BABAM2: variants seen among roughly 807,000 people sequenced by gnomAD.
BABAM2 encodes the protein BRISC and BRCA1 A complex member 2.
Under a neutral mutation model 54.7 loss-of-function variants are expected in BABAM2, and 31 were observed. That is an observed-to-expected ratio of 0.57 (90% CI 0.43 to 0.77). BABAM2 has a LOEUF of 0.77. BABAM2 is among the 30% of genes least tolerant of loss of function. The probability of loss-of-function intolerance (pLI) is 0.00; values close to 1 mark genes in which losing one functional copy is unlikely to be tolerated. For synonymous variants in BABAM2, 167 were observed against 162.9 expected, an observed-to-expected ratio of 1.03 and a Z score of -0.19; for missense variants, 364 against 455.8, an observed-to-expected ratio of 0.80 and a Z score of 1.83.
At chr2:28,137,360 A>G (rs1011927315) in intron 7 of BABAM2, among the ~76,000 whole-genome samples, 2 of 152,146 alleles carry the variant, frequency 1.3e-5, no homozygotes, top group Admixed American at 6.5e-5. Context: ...TCAGGAGAAG[A>G]TATGTATTTG....
intron 3 of BABAM2, among the ~76,000 whole-genome samples, chr2:27,968,649 C>A (rs1303666614): frequency 6.6e-6 from 1 of 152,208 alleles, no homozygotes; most frequent in African/African-American, 2.4e-5. Flanking sequence ...ACATTCAACA[C>A]CAGCCCGTGA....
chr2:28,107,802 G>A (rs1216428468), intron 6 of BABAM2, among the ~76,000 whole-genome samples: 3 of 152,142 alleles, frequency 2.0e-5, no homozygotes, highest in Admixed American at 6.5e-5. Context: ...TAGATCCTTA[G>A]TGCCTTTAGG....
chr2:28,221,529 T>G (rs1680420343), intron 7 of BABAM2, among the ~76,000 whole-genome samples: 1 of 152,230 alleles, frequency 6.6e-6, no homozygotes, highest in African/African-American at 2.4e-5. Context: ...CTTGCATTTT[T>G]CCTATCCAAT....
At chr2:28,062,884 C>T (rs920648542) in intron 6 of BABAM2, among the ~76,000 whole-genome samples, 4 of 152,244 alleles carry the variant, frequency 2.6e-5, no homozygotes, top group Non-Finnish European at 5.9e-5. Flanking sequence ...TCACCACTAG[C>T]ATTTAGAGAC....
rs1558667979 is a variant in BABAM2 at position 28,026,948 on chromosome 2, T to TA, written c.495+1530dup. ...TATAAATATATATATAAATATATAT[T>TA]AATATATATAAATATATATATAAAT... On this transcript the variant is annotated intron_variant, in intron 5 of 11. Transcript: ENST00000379624. Among the ~76,000 whole-genome samples the TA allele has an allele frequency of 3.1e-4, 23 of 73,324 alleles. 1 individual carries two copies. The highest frequency in any genetic ancestry group is 7.5e-4 in the African/African-American group (11 of 14,586). 48.1% of individuals were successfully genotyped at this position (73,324 alleles called of 152,430 possible).
intron 10 of BABAM2, among the ~76,000 whole-genome samples, chr2:28,249,658 G>A (rs1207263988): frequency 1.3e-5 from 2 of 152,124 alleles, no homozygotes; most frequent in African/African-American, 2.4e-5. Context: ...GTCTTGGTCT[G>A]GGGGAGGTCT....
At chr2:27,968,701 G>A (rs1670996949) in intron 3 of BABAM2, among the ~76,000 whole-genome samples, 1 of 152,226 alleles carries the variant, frequency 6.6e-6, no homozygotes, top group South Asian at 2.1e-4. Context: ...AGCCACAGGG[G>A]TGGAGCTGTC....
intron 7 of BABAM2, among the ~76,000 whole-genome samples, chr2:28,182,666 C>A (rs571433380): frequency 2.0e-5 from 3 of 152,320 alleles, no homozygotes; most frequent in African/African-American, 7.2e-5. Context: ...CTGCGGACTG[C>A]AAATTCACAT....
intron 10 of BABAM2, among the ~76,000 whole-genome samples, chr2:28,260,686 T>C (rs1425562474): frequency 6.6e-6 from 1 of 152,196 alleles, no homozygotes; most frequent in Non-Finnish European, 1.5e-5. Flanking sequence ...CTTGTCAGTT[T>C]CTTCACAAAA....
intron 5 of BABAM2, 172 bp downstream of exon 5, chr2:28,025,592 G>T: frequency 3.3e-6 from 2 of 604,648 alleles, no homozygotes; most frequent in Non-Finnish European, 5.2e-6. Context: ...CTAGTTCATT[G>T]TGTTTCTCAA....
intron 6 of BABAM2, among the ~76,000 whole-genome samples, chr2:28,105,096 A>T (rs1475750365): frequency 1.3e-5 from 2 of 152,156 alleles, no homozygotes; most frequent in Non-Finnish European, 2.9e-5. Flanking sequence ...GTAAATGACG[A>T]GTTAATGGGT....
At chr2:28,203,701 A>G (rs953735459) in intron 7 of BABAM2, among the ~76,000 whole-genome samples, 54 of 152,108 alleles carry the variant, frequency 3.6e-4, no homozygotes, top group African/African-American at 1.1e-3. Context: ...TCTGTTTCTT[A>G]TATTCACTTG....
chr2:28,244,690 C>G (rs922846811), intron 9 of BABAM2, 90 bp from the exon 10 acceptor site: 2 of 1,240,772 alleles, frequency 1.6e-6, no homozygotes, highest in Admixed American at 3.7e-5. Flanking sequence ...CCTGACTTCA[C>G]GAATATATTC....
At chr2:28,121,539 C>T (rs1175076235) in intron 6 of BABAM2, among the ~76,000 whole-genome samples, 2 of 152,072 alleles carry the variant, frequency 1.3e-5, no homozygotes, top group African/African-American at 4.8e-5. Flanking sequence ...GCTGTATATG[C>T]TAATATATAA....
rs958465621 is a variant in BABAM2 at position 28,129,437 on chromosome 2, C to T, written c.680+57C>T. The T allele has an allele frequency of 3.5e-6, 5 of 1,409,856 alleles. No homozygotes were observed. The African/African-American group carries it at 4.3e-5, about 12-fold the overall frequency. 87.3% of individuals were successfully genotyped at this position (1,409,856 alleles called of 1,614,324 possible). The stretch of plus-strand genomic sequence containing the variant: ...CTACTTCTTGCTAACCAATATGTCT[C>T]ATTCTTTCTTTTGCCACTCTTGAAC... On this transcript the variant is annotated intron_variant, in intron 7 of 11. Transcript: ENST00000379624.
chr2:28,305,775 G>C (rs916137834), intron 11 of BABAM2, among the ~76,000 whole-genome samples: 1 of 152,116 alleles, frequency 6.6e-6, no homozygotes, highest in African/African-American at 2.4e-5. Context: ...AGTTGTCAAA[G>C]TGATTGGCAA....
chr2:28,087,810 T>A (rs1665803061), intron 6 of BABAM2, among the ~76,000 whole-genome samples: 1 of 152,032 alleles, frequency 6.6e-6, no homozygotes, highest in African/African-American at 2.4e-5. Flanking sequence ...CACTATGCCC[T>A]GTCTAGTTTT....
At chr2:28,077,697 CT>C (rs911202977) in intron 6 of BABAM2, among the ~76,000 whole-genome samples, 4 of 152,018 alleles carry the variant, frequency 2.6e-5, no homozygotes, top group Non-Finnish European at 5.9e-5. Context: ...ATTTCCTAAC[CT>C]CCCTCTCACT....
At chr2:28,251,905 A>G (rs1683521995) in intron 10 of BABAM2, among the ~76,000 whole-genome samples, 1 of 152,128 alleles carries the variant, frequency 6.6e-6, no homozygotes, top group African/African-American at 2.4e-5. Flanking sequence ...ATTAATAACT[A>G]TCAGGCTAGG....
Sources: allele counts gnomAD v4.1 joint callset (sites outside exome capture counted in the v4.1 genomes callset), GRCh38; gene constraint gnomAD v4.1.1; transcripts MANE v1.5; gene names NCBI Gene and HGNC (gene_info 2026-07-23, HGNC 2026-07-21).